Variants in ATG13 observed in about 807,000 individuals in gnomAD.
ATG13 encodes autophagy-related protein 13.
Under a neutral mutation model 65.5 loss-of-function variants are expected in ATG13, and 23 were observed. The ratio of observed to expected loss-of-function variants is 0.35; its 90% CI spans 0.25 to 0.50. ATG13 has a LOEUF of 0.50. Among genes scored for constraint, ATG13 ranks in the 20% least tolerant of loss-of-function variants. The probability of loss-of-function intolerance (pLI) is 0.98; values close to 1 mark genes in which losing one functional copy is unlikely to be tolerated. For synonymous variants in ATG13, 252 were observed against 245.2 expected (o/e 1.03, Z -0.26); for missense variants, 566 against 677.0 (o/e 0.84, Z 1.82).
intron 1 of ATG13, chr11:46,618,162 TG>T (rs2045952265): frequency 5.8e-6 from 2 of 347,776 alleles, no homozygotes; most frequent in Non-Finnish European, 1.0e-5. Flanking sequence ...GGAGGTAATT[TG>T]GGGGGCCATA....
chr11:46,663,515 T>G (rs2061618944), intron 11 of ATG13, among the ~76,000 whole-genome samples: 1 of 152,122 alleles, frequency 6.6e-6, no homozygotes. Flanking sequence ...CAGCCACCCC[T>G]TCAGCTGTTT....
chr11:46,635,050 T>A (rs1405222827), intron 2 of ATG13, among the ~76,000 whole-genome samples: 5 of 151,104 alleles, frequency 3.3e-5, no homozygotes, highest in Non-Finnish European at 5.9e-5. Flanking sequence ...CTCTGTCTCC[T>A]AGTCTGGAGT....
chr11:46,672,658 C>T lies in ATG13; in HGVS notation c.*326C>T. The T allele has an allele frequency of 2.9e-6, 4 of 1,380,970 alleles. No individual in the cohort carries two copies. Among genetic ancestry groups the T allele is most frequent in the Non-Finnish European group, 3.8e-6 (4 of 1,042,194 alleles). The allele number at this position is 1,380,970 out of a possible 1,614,324, so 85.5% of individuals were successfully genotyped here. ...CAAGGGTGTCATCCTGTTCCTCCTG[C>T]TGCCGGCCTCCTGCCTGGGCCTGCC... On this transcript the variant is annotated 3_prime_UTR_variant, in exon 19 of 19. Transcript: ENST00000683050.
intron 1 of ATG13, among the ~76,000 whole-genome samples, chr11:46,620,036 A>G (rs1341661590): frequency 1.3e-5 from 2 of 151,670 alleles, no homozygotes; most frequent in Non-Finnish European, 2.9e-5. Context: ...CAAAAAAAAA[A>G]AAAAAAAATT....
chr11:46,646,577 C>T (rs2057613322), intron 5 of ATG13, among the ~76,000 whole-genome samples: 1 of 152,132 alleles, frequency 6.6e-6, no homozygotes. Flanking sequence ...GATTCTGCTG[C>T]TTTAGCCTCC....
At chr11:46,631,307 C>T (rs1193602509) in intron 2 of ATG13, among the ~76,000 whole-genome samples, 3 of 152,146 alleles carry the variant, frequency 2.0e-5, no homozygotes, top group Admixed American at 6.6e-5. Context: ...CTGTCCACCT[C>T]GGCTTCCAAA....
At chr11:46,622,123 A>T (rs59021153) in intron 1 of ATG13, among the ~76,000 whole-genome samples, 28 of 77,880 alleles carry the variant, frequency 3.6e-4, no homozygotes, top group African/African-American at 1.4e-3. Flanking sequence ...ATATATATAT[A>T]TATATTTATT....
chr11:46,645,182 T>C (rs1796225817), intron 3 of ATG13, among the ~76,000 whole-genome samples, 157 bp from the exon 4 acceptor site: 1 of 152,248 alleles, frequency 6.6e-6, no homozygotes, highest in Non-Finnish European at 1.5e-5. Context: ...TTTTCTGTTC[T>C]CAAAAATTAA....
At chr11:46,626,689 TAA>T (rs1821382255) in intron 1 of ATG13, among the ~76,000 whole-genome samples, 2 of 152,218 alleles carry the variant, frequency 1.3e-5, no homozygotes, top group Non-Finnish European at 2.9e-5. Flanking sequence ...CATTTGTAAA[TAA>T]AGTTTCACCC....
chr11:46,667,348 G>C (rs565452703), intron 14 of ATG13, among the ~76,000 whole-genome samples: 1 of 152,202 alleles, frequency 6.6e-6, no homozygotes, highest in South Asian at 2.1e-4. Context: ...AGTCTGAAAG[G>C]CTGGGGAAGG....
In ATG13 at chr11:46,637,234, A is replaced by G. The variant is rs185231853; in HGVS notation, c.-13-7045A>G. Among the ~76,000 whole-genome samples, 15 of 152,316 alleles carry G rather than the reference A, an allele frequency of 9.8e-5. No homozygotes were observed. In the East Asian group the frequency reaches 1.9e-3, roughly 20 times the overall value. The stretch of plus-strand genomic sequence containing the variant: ...TTCAACATACTGTTTATTGAGAGCT[A>G]CAACTCAGCTATTTTTATTGATCTA... On this transcript the variant is annotated intron_variant, in intron 2 of 18. Transcript: ENST00000683050.
At chr11:46,656,028 C>T (rs2059985878) in intron 7 of ATG13, among the ~76,000 whole-genome samples, 1 of 152,164 alleles carries the variant, frequency 6.6e-6, no homozygotes, top group Non-Finnish European at 1.5e-5. Context: ...GCCTTATTTT[C>T]CTTATTTTTT....
intron 5 of ATG13, among the ~76,000 whole-genome samples, chr11:46,648,022 T>C (rs1002681231): frequency 6.6e-6 from 1 of 152,196 alleles, no homozygotes; most frequent in Non-Finnish European, 1.5e-5. Flanking sequence ...TATGGTATAA[T>C]GAAAGGTAAA....
chr11:46,647,111 T>G (rs1362439065), intron 5 of ATG13, among the ~76,000 whole-genome samples: 1 of 152,174 alleles, frequency 6.6e-6, no homozygotes, highest in Non-Finnish European at 1.5e-5. Context: ...CATGACATAC[T>G]TCTGCTCATC....
chr11:46,652,296 G>C (rs1565540108), intron 7 of ATG13, among the ~76,000 whole-genome samples: 1 of 151,856 alleles, frequency 6.6e-6, no homozygotes, highest in South Asian at 2.1e-4. Context: ...TGATCATTTA[G>C]GAGTGCTTTT....
intron 1 of ATG13, among the ~76,000 whole-genome samples, chr11:46,619,352 C>T (rs1256798991): frequency 3.0e-5 from 3 of 101,328 alleles, no homozygotes; most frequent in African/African-American, 7.7e-5. Context: ...TTTTAATGTC[C>T]TTGGAAGGTA....
intron 2 of ATG13, among the ~76,000 whole-genome samples, chr11:46,643,312 T>C (rs534691134): frequency 6.6e-6 from 1 of 152,282 alleles, no homozygotes; most frequent in South Asian, 2.1e-4. Context: ...TCTACTACTT[T>C]TATACATGTT....
At chr11:46,649,312 C>T in intron 6 of ATG13, 129 bp downstream of exon 6, 1 of 1,035,470 alleles carries the variant, frequency 9.7e-7, no homozygotes, top group South Asian at 1.8e-5. Flanking sequence ...GCCAATAGGT[C>T]TTTGCTACAA....
chr11:46,639,177 A>G (rs971642706), intron 2 of ATG13, among the ~76,000 whole-genome samples: 1 of 152,134 alleles, frequency 6.6e-6, no homozygotes, highest in Middle Eastern at 3.4e-3. Context: ...TAGTAGAGAC[A>G]GGGTTTTACT....
Sources: allele counts gnomAD v4.1 joint callset (sites outside exome capture counted in the v4.1 genomes callset), GRCh38; gene constraint gnomAD v4.1.1; transcripts MANE v1.5; gene names NCBI Gene and HGNC (gene_info 2026-07-23, HGNC 2026-07-21).